PELI1: variants seen among roughly 807,000 people sequenced by gnomAD.
PELI1 encodes the protein E3 ubiquitin-protein ligase pellino homolog 1.
In PELI1, 15 loss-of-function variants were observed where a neutral mutation model predicts 41.3. The observed-to-expected ratio is 0.36, with a 90% confidence interval of 0.24 to 0.56. The LOEUF (loss-of-function observed/expected upper bound fraction) is 0.56, where lower values mean the gene tolerates loss of function less well. Among genes scored for constraint, PELI1 ranks in the 20% least tolerant of loss-of-function variants. The pLI is 0.82. For synonymous variants in PELI1, 178 were observed against 180.1 expected, an observed-to-expected ratio of 0.99 and a Z score of 0.09; for missense variants, 403 against 525.5, an observed-to-expected ratio of 0.77 and a Z score of 2.28.
chr2:64,139,590 C>T (rs1681828792), intron 1 of PELI1, among the ~76,000 whole-genome samples: 1 of 152,194 alleles, frequency 6.6e-6, no homozygotes, highest in Non-Finnish European at 1.5e-5. Context: ...CAACTGCGCC[C>T]AGCCATTTTT....
chr2:64,110,446 G>A (rs1380569507), intron 1 of PELI1, among the ~76,000 whole-genome samples: 1 of 152,000 alleles, frequency 6.6e-6, no homozygotes, highest in Non-Finnish European at 1.5e-5. Context: ...GAAAAATTGA[G>A]AGAATTTGTT....
chr2:64,100,918 C>T lies in PELI1; in HGVS notation c.202-419G>A, dbSNP rs1265777370. On this transcript the variant is annotated intron_variant, in intron 3 of 6. Transcript: ENST00000358912. ...ATTTTTTTTGTATTTTTAGTAGAGA[C>T]GGCATTTCACCATGTTGCCCAGGCT... 2.0e-5 allele frequency among the ~76,000 whole-genome samples: 3 copies of T among 152,014 alleles called. No individual in the cohort carries two copies. The South Asian group carries it at 6.2e-4, about 32-fold the overall frequency.
At chr2:64,129,494 T>C (rs2103732898) in intron 1 of PELI1, among the ~76,000 whole-genome samples, 1 of 152,284 alleles carries the variant, frequency 6.6e-6, no homozygotes, top group Non-Finnish European at 1.5e-5. Flanking sequence ...TAAACTGCAA[T>C]TACAACCATA....
chr2:64,109,024 G>A (rs1680713015), intron 1 of PELI1, among the ~76,000 whole-genome samples: 1 of 152,176 alleles, frequency 6.6e-6, no homozygotes, highest in African/African-American at 2.4e-5. Flanking sequence ...CCATAGTGAG[G>A]AGCTCCAATG....
intron 2 of PELI1, among the ~76,000 whole-genome samples, chr2:64,105,945 G>T (rs1680604512): frequency 6.6e-6 from 1 of 152,110 alleles, no homozygotes; most frequent in African/African-American, 2.4e-5. Context: ...TGGCTGGCAA[G>T]GAAGAATGTT....
chr2:64,099,805 A>G (rs191391397), intron 4 of PELI1, among the ~76,000 whole-genome samples: 4 of 151,022 alleles, frequency 2.6e-5, no homozygotes, highest in African/African-American at 9.9e-5. Flanking sequence ...CTGTCCTAAA[A>G]TCTATCAGTT....
intron 3 of PELI1, among the ~76,000 whole-genome samples, chr2:64,101,780 C>T (rs551041869): frequency 4.4e-4 from 66 of 151,272 alleles, no homozygotes; most frequent in African/African-American, 8.3e-4. Context: ...ATTATACTAA[C>T]GACTCAGCTT....
chr2:64,125,950 T>G (rs1218621701), intron 1 of PELI1, among the ~76,000 whole-genome samples: 1 of 152,220 alleles, frequency 6.6e-6, no homozygotes, highest in Non-Finnish European at 1.5e-5. Flanking sequence ...TAAATGAATT[T>G]TATGGGTCCC....
At chr2:64,112,336 G>GA (rs1680831995) in intron 1 of PELI1, among the ~76,000 whole-genome samples, 1 of 151,774 alleles carries the variant, frequency 6.6e-6, no homozygotes, top group Non-Finnish European at 1.5e-5. Context: ...TTGGGAGCTG[G>GA]AAAAAATATA....
chr2:64,126,005 C>T (rs1454064418), intron 1 of PELI1, among the ~76,000 whole-genome samples: 1 of 152,142 alleles, frequency 6.6e-6, no homozygotes, highest in Non-Finnish European at 1.5e-5. Context: ...TTCCAAAATC[C>T]AAAACACTTC....
chr2:64,102,436 G>A (rs1680474555), intron 3 of PELI1, among the ~76,000 whole-genome samples: 1 of 152,042 alleles, frequency 6.6e-6, no homozygotes, highest in South Asian at 2.1e-4. Flanking sequence ...TTACAGGCAG[G>A]AAAATGGCAC....
chr2:64,117,812 T>A (rs1035512759), intron 1 of PELI1, among the ~76,000 whole-genome samples: 11 of 151,890 alleles, frequency 7.2e-5, no homozygotes, highest in Non-Finnish European at 1.5e-4. Flanking sequence ...GTTTTCCCAA[T>A]AATTTTTTTT....
At chr2:64,100,610 C>T (rs573111881) in intron 3 of PELI1, 111 bp from the exon 4 acceptor site, 1 of 700,940 alleles carries the variant, frequency 1.4e-6, no homozygotes, top group South Asian at 1.6e-5. Context: ...CATATTTATA[C>T]ATTTTCCCCC....
chr2:64,136,776 G>A (rs907416671), intron 1 of PELI1, among the ~76,000 whole-genome samples: 1 of 152,078 alleles, frequency 6.6e-6, no homozygotes, highest in African/African-American at 2.4e-5. Flanking sequence ...AGTGGTGTGC[G>A]CCTATAATCC....
At chr2:64,109,865 T>G (rs774566523) in intron 1 of PELI1, among the ~76,000 whole-genome samples, 14 of 152,150 alleles carry the variant, frequency 9.2e-5, no homozygotes, top group African/African-American at 3.4e-4. Context: ...CAGAGCCTTA[T>G]AGACCCGTGC....
At chr2:64,116,555 G>C (rs1267143310) in intron 1 of PELI1, among the ~76,000 whole-genome samples, 3 of 152,320 alleles carry the variant, frequency 2.0e-5, no homozygotes, top group South Asian at 2.1e-4. Flanking sequence ...TTCAGTCTCT[G>C]TGCCAAGCAC....
Position 64,108,372 on chromosome 2 carries a change from A to G in PELI1, c.-62T>C, listed in dbSNP as rs1680691061. On this transcript the variant is annotated 5_prime_UTR_variant, in exon 2 of 7. It removes an upstream start codon present in the reference 5' UTR. Coordinates refer to ENST00000358912, the MANE Select transcript of PELI1 (RefSeq NM_020651.4). Reference sequence around the variant, plus strand: ...TCAGGAGCCTTGGGACACCTTTTGCATTATTTCCTAGAGGGGAAAAGTTTT... The same window carrying G: ...TCAGGAGCCTTGGGACACCTTTTGCGTTATTTCCTAGAGGGGAAAAGTTTT... The G allele has an allele frequency of 2.1e-6, 2 of 948,102 alleles. No homozygotes were observed. Among genetic ancestry groups the G allele is most frequent in the African/African-American group, 3.3e-5 (2 of 61,356 alleles). 58.7% of individuals were successfully genotyped at this position (948,102 alleles called of 1,614,324 possible).
intron 1 of PELI1, among the ~76,000 whole-genome samples, chr2:64,141,175 G>T (rs1464011772): frequency 6.6e-6 from 1 of 152,018 alleles, no homozygotes; most frequent in Non-Finnish European, 1.5e-5. Flanking sequence ...TCTTTACATT[G>T]TATTATTTAA....
chr2:64,140,124 C>T (rs1367354581), intron 1 of PELI1, among the ~76,000 whole-genome samples: 1 of 152,122 alleles, frequency 6.6e-6, no homozygotes, highest in African/African-American at 2.4e-5. Context: ...TGGTGGGAAA[C>T]CGCGGGTATT....
Sources: allele counts gnomAD v4.1 joint callset (sites outside exome capture counted in the v4.1 genomes callset), GRCh38; gene constraint gnomAD v4.1.1; transcripts MANE v1.5; gene names NCBI Gene and HGNC (gene_info 2026-07-23, HGNC 2026-07-21).